The following ELMO1 variants were observed in gnomAD, a reference collection of about 807,000 sequenced individuals.
The protein encoded by ELMO1 is engulfment and cell motility protein 1.
Under a neutral mutation model 98.9 loss-of-function variants are expected in ELMO1, and 26 were observed. The ratio of observed to expected loss-of-function variants is 0.26; its 90% CI spans 0.19 to 0.36. The LOEUF (loss-of-function observed/expected upper bound fraction) is 0.36. Among genes scored for constraint, ELMO1 ranks in the 10% least tolerant of loss-of-function variants. The pLI, the probability that ELMO1 is intolerant of heterozygous loss-of-function variation, is 1.00. For synonymous variants in ELMO1, 346 were observed against 346.0 expected, an observed-to-expected ratio of 1.00 and a Z score of 0.00; for missense variants, 627 against 935.2, an observed-to-expected ratio of 0.67 and a Z score of 4.30.
chr7:37,167,261 C>T (rs912197161), intron 13 of ELMO1, among the ~76,000 whole-genome samples: 4 of 152,066 alleles, frequency 2.6e-5, no homozygotes, highest in Non-Finnish European at 5.9e-5. Context: ...TTCCTGAATA[C>T]AGCACACTGA....
chr7:37,272,861 G>C (rs1251334335), intron 4 of ELMO1, among the ~76,000 whole-genome samples: 2 of 152,190 alleles, frequency 1.3e-5, no homozygotes. Flanking sequence ...GGTTGCCTAA[G>C]GCTGGGGGAG....
At chr7:36,945,227 T>C (rs977125187) in intron 16 of ELMO1, among the ~76,000 whole-genome samples, 1 of 152,238 alleles carries the variant, frequency 6.6e-6, no homozygotes, top group Non-Finnish European at 1.5e-5. Context: ...CTTTGTAGGA[T>C]ATAAAATAAG....
intron 1 of ELMO1, among the ~76,000 whole-genome samples, chr7:37,356,499 T>C (rs1030731134): frequency 2.0e-5 from 3 of 152,146 alleles, no homozygotes; most frequent in Admixed American, 6.5e-5. Flanking sequence ...GAAACCATTA[T>C]TCTCAGCAAA....
chr7:37,154,752 C>T (rs1040089528), intron 13 of ELMO1, among the ~76,000 whole-genome samples: 1 of 152,180 alleles, frequency 6.6e-6, no homozygotes, highest in African/African-American at 2.4e-5. Context: ...GGATATTACC[C>T]AGGAGGGCTT....
At chr7:37,361,852 C>CT (rs535827834) in intron 1 of ELMO1, among the ~76,000 whole-genome samples, 300 of 152,270 alleles carry the variant, frequency 2.0e-3, no homozygotes, top group African/African-American at 6.9e-3. Flanking sequence ...GTCCCACCTA[C>CT]TTGGGAGGCT....
intron 14 of ELMO1, among the ~76,000 whole-genome samples, chr7:37,132,075 C>T (rs1786959856): frequency 6.6e-6 from 1 of 152,070 alleles, no homozygotes; most frequent in Non-Finnish European, 1.5e-5. Flanking sequence ...GGAATAAATA[C>T]TGTCCCAGCT....
intron 15 of ELMO1, among the ~76,000 whole-genome samples, chr7:37,096,178 A>G (rs1017859824): frequency 2.0e-5 from 3 of 152,348 alleles, no homozygotes; most frequent in Middle Eastern, 3.4e-3. Context: ...AAAGTATTCC[A>G]AACAACAGAA....
intron 4 of ELMO1, among the ~76,000 whole-genome samples, chr7:37,277,008 A>G (rs1252774877): frequency 1.3e-5 from 2 of 152,206 alleles, no homozygotes; most frequent in Non-Finnish European, 1.5e-5. Flanking sequence ...CCTCCATGAG[A>G]GCAGATAGTT....
chr7:37,135,724 C>T (rs978064385), intron 13 of ELMO1, among the ~76,000 whole-genome samples: 6 of 152,198 alleles, frequency 3.9e-5, no homozygotes, highest in Admixed American at 3.3e-4. Context: ...AGAATCTGAA[C>T]AGTAGTCCTT....
In ELMO1 at chr7:37,201,906, G is replaced by C. The variant is rs542541061; in HGVS notation, c.1086+9480C>G. Among the ~76,000 whole-genome samples the C allele has an allele frequency of 2.4e-3, 368 of 152,320 alleles. 1 individual carries two copies. The highest frequency in any genetic ancestry group is 8.2e-3 in the African/African-American group (340 of 41,570). ...AGTCCGGTCTGATCAAAGTGTCAAG[G>C]AGGCTGACAGTGTAAGATCTGGTCC... is the stretch of plus-strand genomic sequence containing the variant. On this transcript the variant is annotated intron_variant, in intron 13 of 21. Transcript: ENST00000310758.
chr7:37,314,733 G>T, intron 4 of ELMO1, 117 bp downstream of exon 4: 1 of 808,368 alleles, frequency 1.2e-6, no homozygotes, highest in Non-Finnish European at 1.9e-6. Context: ...CTCTATTTTC[G>T]TGGATAGTAG....
intron 13 of ELMO1, among the ~76,000 whole-genome samples, chr7:37,204,603 G>A (rs6975871): frequency 0.25 from 38,198 of 152,104 alleles, 5,065 homozygotes; most frequent in African/African-American, 0.31. Flanking sequence ...CGCTGCTGGC[G>A]CAGGTGGCCT....
chr7:37,213,473 A>G lies in ELMO1; in HGVS notation c.832-16T>C, dbSNP rs1563081145. ...GGATGACATGCTAGGGAGATGGTTC[A>G]CAAATGAAATTTTTTAAAAAAGAAA... On this transcript the variant is annotated splice_polypyrimidine_tract_variant and intron_variant, in intron 11 of 21. Coordinates refer to ENST00000310758, the MANE Select transcript of ELMO1 (RefSeq NM_014800.11). The G allele has an allele frequency of 6.2e-7, 1 of 1,601,074 alleles. No individual in the cohort carries two copies.
intron 16 of ELMO1, 112 bp downstream of exon 16, chr7:37,013,187 C>T (rs1156383295): frequency 8.2e-6 from 11 of 1,344,472 alleles, no homozygotes; most frequent in Non-Finnish European, 1.1e-5. Context: ...TCATTGCAAT[C>T]TTCCTCATTT....
chr7:36,977,286 T>C (rs10233300), intron 16 of ELMO1, among the ~76,000 whole-genome samples: 8,809 of 152,208 alleles, frequency 0.058, 726 homozygotes, highest in African/African-American at 0.18. Context: ...AGAAATCCCA[T>C]TAAAGGAATA....
chr7:36,867,968 T>G (rs1803166121), intron 20 of ELMO1, among the ~76,000 whole-genome samples: 1 of 152,150 alleles, frequency 6.6e-6, no homozygotes, highest in South Asian at 2.1e-4. Context: ...TTGTGAAGGA[T>G]GTGTATTCTG....
intron 13 of ELMO1, among the ~76,000 whole-genome samples, chr7:37,159,671 C>G (rs1197272090): frequency 6.6e-6 from 1 of 152,000 alleles, no homozygotes; most frequent in African/African-American, 2.4e-5. Flanking sequence ...TGCACTCCGG[C>G]CAGGGTGACA....
chr7:37,155,999 T>C (rs1424476621), intron 13 of ELMO1, among the ~76,000 whole-genome samples: 1 of 152,122 alleles, frequency 6.6e-6, no homozygotes, highest in African/African-American at 2.4e-5. Context: ...GCCATCAAAT[T>C]AGAACTCAGG....
intron 16 of ELMO1, among the ~76,000 whole-genome samples, chr7:36,981,711 G>T (rs185812267): frequency 3.6e-4 from 55 of 152,318 alleles, no homozygotes; most frequent in African/African-American, 1.3e-3. Flanking sequence ...AGATGGATGA[G>T]TGCCGACTTT....
Sources: gnomAD v4.1 joint callset for allele counts (sites outside exome capture counted in the v4.1 genomes callset) on GRCh38, gnomAD v4.1.1 for gene constraint, MANE v1.5 for transcripts, NCBI Gene and HGNC (gene_info 2026-07-23, HGNC 2026-07-21) for gene names.